ERC2: variants seen among roughly 807,000 people sequenced by gnomAD.
ERC2 encodes the protein ERC protein 2.
ERC2 carries 42 observed loss-of-function variants against 114.8 expected under a neutral mutation model. The observed-to-expected ratio is 0.37, with a 90% CI of 0.29 to 0.47. The LOEUF (loss-of-function observed/expected upper bound fraction) is 0.47, where lower values mean the gene tolerates loss of function less well. Ranked by LOEUF, ERC2 falls within the 20% of genes least tolerant of loss-of-function variation. ERC2 has a pLI of 0.99. For synonymous variants in ERC2, 454 were observed against 425.5 expected, an observed-to-expected ratio of 1.07 and a Z score of -0.82; for missense variants, 939 against 1,150.7, an observed-to-expected ratio of 0.82 and a Z score of 2.66.
intron 17 of ERC2, among the ~76,000 whole-genome samples, chr3:55,681,443 C>T (rs2062049763): frequency 6.6e-6 from 1 of 152,178 alleles, no homozygotes; most frequent in Admixed American, 6.5e-5. Context: ...TAATGTACCA[C>T]TATTATCCAT....
At chr3:56,013,283 C>G (rs72880976) in intron 8 of ERC2, among the ~76,000 whole-genome samples, 5,035 of 152,226 alleles carry the variant, frequency 0.033, 303 homozygotes, top group African/African-American at 0.12. Context: ...AGCCAAGAGA[C>G]AGCAAATAAT....
chr3:55,944,693 A>G (rs2067018041), intron 13 of ERC2, among the ~76,000 whole-genome samples: 1 of 152,250 alleles, frequency 6.6e-6, no homozygotes, highest in South Asian at 2.1e-4. Flanking sequence ...TAATGATTTT[A>G]ACTCAAGGCT....
intron 14 of ERC2, among the ~76,000 whole-genome samples, chr3:55,752,392 A>G (rs1179852645): frequency 5.3e-5 from 8 of 152,194 alleles, no homozygotes; most frequent in Non-Finnish European, 1.2e-4. Flanking sequence ...GCCATGGTAG[A>G]AGTATTTACA....
At chr3:55,848,775 C>G (rs369967602) in intron 14 of ERC2, among the ~76,000 whole-genome samples, 2 of 152,204 alleles carry the variant, frequency 1.3e-5, no homozygotes, top group African/African-American at 4.8e-5. Context: ...CAAACTGAAT[C>G]TCCTCTAATA....
At position 55,553,058 on chromosome 3, in the gene ERC2, G is replaced by A. The variant is rs1212445071; in HGVS notation, c.*40-41782C>T. ...TTTTTTTGAGATGGAGTCTCATTCT[G>A]TCACCCAGGCTGGAGTGCAGTGGTG... On this transcript the variant is annotated intron_variant, in intron 17 of 17. Coordinates refer to ENST00000288221, the MANE Select transcript of ERC2 (RefSeq NM_015576.3). Among the ~76,000 whole-genome samples, 6 of 82,468 alleles carry A rather than the reference G, an allele frequency of 7.3e-5. No individual in the cohort carries two copies. In the Admixed American group the frequency reaches 7.4e-4, roughly 10 times the overall value. 54.1% of individuals were successfully genotyped at this position (82,468 alleles called of 152,430 possible).
At chr3:56,117,101 A>G (rs1575482255) in intron 6 of ERC2, among the ~76,000 whole-genome samples, 1 of 152,284 alleles carries the variant, frequency 6.6e-6, no homozygotes, top group Non-Finnish European at 1.5e-5. Flanking sequence ...GATTCCTCTG[A>G]CACAAAGCCT....
intron 17 of ERC2, among the ~76,000 whole-genome samples, chr3:55,553,079 T>A (rs2055341274): frequency 3.1e-5 from 4 of 130,994 alleles, no homozygotes; most frequent in African/African-American, 1.1e-4. Context: ...TGGAGTGCAG[T>A]GGTGCAATCT....
intron 6 of ERC2, among the ~76,000 whole-genome samples, chr3:56,134,920 G>GTTTTTTTTTTGT (rs147281232): frequency 1.4e-5 from 2 of 143,046 alleles, no homozygotes; most frequent in African/African-American, 5.7e-5. Flanking sequence ...CTTTTTTTTT[G>GTTTTTTTTTTGT]TTTTTTTTTG....
chr3:55,917,701 A>G (rs2065184998), intron 13 of ERC2, among the ~76,000 whole-genome samples: 1 of 152,150 alleles, frequency 6.6e-6, no homozygotes, highest in Non-Finnish European at 1.5e-5. Context: ...TTGAGGTAAC[A>G]AAAATGTTCT....
chr3:55,912,020 A>T (rs549029157), intron 13 of ERC2, among the ~76,000 whole-genome samples: 2 of 152,188 alleles, frequency 1.3e-5, no homozygotes, highest in Admixed American at 1.3e-4. Context: ...ATGAACCCCC[A>T]TACATTGGAG....
intron 14 of ERC2, among the ~76,000 whole-genome samples, chr3:55,815,125 C>A (rs1302429137): frequency 7.2e-5 from 11 of 152,142 alleles, no homozygotes; most frequent in Non-Finnish European, 1.5e-4. Flanking sequence ...CATAGAGCAG[C>A]CACCAGTAAT....
intron 17 of ERC2, among the ~76,000 whole-genome samples, chr3:55,603,139 A>G (rs570264069): frequency 1.6e-3 from 247 of 152,182 alleles, no homozygotes; most frequent in Non-Finnish European, 2.8e-3. Context: ...CCCCTTCCCT[A>G]CCTCCATGAC....
At chr3:56,113,620 C>G (rs1275422410) in intron 6 of ERC2, among the ~76,000 whole-genome samples, 1 of 152,198 alleles carries the variant, frequency 6.6e-6, no homozygotes, top group Non-Finnish European at 1.5e-5. Context: ...AAGCAAGTCT[C>G]CAATTCTTTG....
intron 17 of ERC2, among the ~76,000 whole-genome samples, chr3:55,531,441 A>G (rs567233938): frequency 9.9e-5 from 15 of 152,164 alleles, no homozygotes; most frequent in Admixed American, 2.0e-4. Context: ...GCCCCTGAAC[A>G]TTAATGTGTT....
intron 6 of ERC2, among the ~76,000 whole-genome samples, chr3:56,112,280 C>G (rs1463053026): frequency 6.6e-6 from 1 of 152,078 alleles, no homozygotes; most frequent in African/African-American, 2.4e-5. Context: ...CTTGCCATTC[C>G]AAAGGCAGCA....
At chr3:55,925,103 A>G (rs530943930) in intron 13 of ERC2, among the ~76,000 whole-genome samples, 27 of 152,314 alleles carry the variant, frequency 1.8e-4, no homozygotes, top group African/African-American at 6.0e-4. Flanking sequence ...CAGAAGAAAC[A>G]AAGAGCAGGA....
At chr3:55,629,805 A>T (rs1483655509) in intron 17 of ERC2, among the ~76,000 whole-genome samples, 1 of 152,270 alleles carries the variant, frequency 6.6e-6, no homozygotes, top group Admixed American at 6.5e-5. Context: ...GGAATGTGAC[A>T]GACAGGACCT....
At chr3:55,908,542 T>G (rs1283787103) in intron 13 of ERC2, among the ~76,000 whole-genome samples, 1 of 151,952 alleles carries the variant, frequency 6.6e-6, no homozygotes, top group Non-Finnish European at 1.5e-5. Flanking sequence ...CAGGGAGAGA[T>G]GTGGGCTGGG....
intron 17 of ERC2, among the ~76,000 whole-genome samples, chr3:55,669,899 A>G (rs2061493539): frequency 6.6e-6 from 1 of 152,270 alleles, no homozygotes; most frequent in African/African-American, 2.4e-5. Context: ...TTAAAGCTTT[A>G]TAACACATAG....
Sources: allele counts gnomAD v4.1 joint callset (sites outside exome capture counted in the v4.1 genomes callset), GRCh38; gene constraint gnomAD v4.1.1; transcripts MANE v1.5; gene names NCBI Gene and HGNC (gene_info 2026-07-23, HGNC 2026-07-21).